C6: variants seen among roughly 807,000 people sequenced by gnomAD.
C6 encodes complement C6, also known as complement component C6.
In C6, 101 loss-of-function variants were observed where a neutral mutation model predicts 112.9. The ratio of observed to expected loss-of-function variants is 0.89; its 90% confidence interval spans 0.76 to 1.06. The LOEUF is 1.06. C6 is among the 50% of genes least tolerant of loss of function. The probability of loss-of-function intolerance (pLI) is 0.00; values close to 1 mark genes in which losing one functional copy is unlikely to be tolerated. For synonymous variants in C6, 431 were observed against 384.1 expected, an observed-to-expected ratio of 1.12 and a Z score of -1.43; for missense variants, 1,202 against 1,104.6, an observed-to-expected ratio of 1.09 and a Z score of -1.25.
intron 1 of C6, among the ~76,000 whole-genome samples, chr5:41,242,774 T>G (rs1203487185): frequency 6.6e-6 from 1 of 151,806 alleles, no homozygotes; most frequent in Non-Finnish European, 1.5e-5. Context: ...ATGAATGGAT[T>G]AAAAAAAGTA....
chr5:41,257,227 C>T (rs1022513590), intron 1 of C6, among the ~76,000 whole-genome samples: 6 of 152,086 alleles, frequency 3.9e-5, no homozygotes, highest in African/African-American at 1.4e-4. Context: ...TTTGTGTCCA[C>T]GTGTAAGCAA....
chr5:41,144,266 C>T (rs959012819), intron 17 of C6, among the ~76,000 whole-genome samples: 2 of 151,988 alleles, frequency 1.3e-5, no homozygotes, highest in Non-Finnish European at 2.9e-5. Flanking sequence ...ATCTTTTGAT[C>T]GTTTCTTTTC....
intron 3 of C6, among the ~76,000 whole-genome samples, chr5:41,200,748 A>G (rs1352511905): frequency 1.3e-5 from 2 of 152,142 alleles, no homozygotes; most frequent in African/African-American, 4.8e-5. Flanking sequence ...TCAATGGGGA[A>G]CAATAAACAA....
intron 17 of C6, among the ~76,000 whole-genome samples, chr5:41,143,918 T>G (rs1399726777): frequency 6.6e-6 from 1 of 152,246 alleles, no homozygotes; most frequent in Non-Finnish European, 1.5e-5. Context: ...CATTTAGAGA[T>G]AAAGTTACCA....
chr5:41,206,986 G>A (rs1293571780), intron 1 of C6, among the ~76,000 whole-genome samples: 2 of 152,152 alleles, frequency 1.3e-5, no homozygotes, highest in Non-Finnish European at 2.9e-5. Context: ...GAAAGGTCGG[G>A]TTACCCACAA....
intron 1 of C6, among the ~76,000 whole-genome samples, chr5:41,235,527 C>T (rs1173732684): frequency 2.1e-5 from 3 of 144,766 alleles, no homozygotes; most frequent in South Asian, 2.3e-4. Flanking sequence ...AATAATGCTG[C>T]AATAAACATA....
In C6 at chr5:41,195,860, A is replaced by G; in HGVS notation, c.519T>C (p.Cys173=). The change falls in exon 5 of 18, where the codon TGT becomes TGC. Residue 173 remains cysteine (C), a synonymous_variant. Coordinates refer to ENST00000337836, the MANE Select transcript of C6 (RefSeq NM_000065.5). ...DCGDNSDERD[C]GRTKAVCTRK... is the part of the protein sequence containing the mutation. Reference sequence around the variant, plus strand: ...GTGTGCATACTGCCTTTGTCCTCCCACAGTCCCTTTCATCTGAATTGTCTC... The same window carrying G: ...GTGTGCATACTGCCTTTGTCCTCCCGCAGTCCCTTTCATCTGAATTGTCTC... 2 of 1,613,980 alleles carry G rather than the reference A, an allele frequency of 1.2e-6. No individual in the cohort carries two copies. Among genetic ancestry groups the G allele is most frequent in the Non-Finnish European group, 1.7e-6 (2 of 1,179,910 alleles).
At chr5:41,173,638 G>T (rs2150305227) in intron 8 of C6, among the ~76,000 whole-genome samples, 2 of 152,254 alleles carry the variant, frequency 1.3e-5, no homozygotes, top group South Asian at 4.1e-4. Context: ...AGTATTTGGG[G>T]TTGCAGGTCA....
chr5:41,219,678 G>A (rs770574628), intron 1 of C6, among the ~76,000 whole-genome samples: 25 of 152,236 alleles, frequency 1.6e-4, no homozygotes, highest in Non-Finnish European at 3.2e-4. Context: ...AGCTAAGTTC[G>A]TAGTTACAAG....
At chr5:41,202,288 AG>A (rs1404065891) in intron 2 of C6, among the ~76,000 whole-genome samples, 2 of 150,608 alleles carry the variant, frequency 1.3e-5, no homozygotes, top group Non-Finnish European at 3.0e-5. Flanking sequence ...GTAGCTCTCC[AG>A]GGAGGAGCTT....
At chr5:41,228,275 T>A (rs760985728) in intron 1 of C6, among the ~76,000 whole-genome samples, 1 of 152,146 alleles carries the variant, frequency 6.6e-6, no homozygotes, top group Non-Finnish European at 1.5e-5. Flanking sequence ...GTCATTGGTG[T>A]ATGGAAATAC....
chr5:41,225,353 T>C (rs1273801300), intron 1 of C6, among the ~76,000 whole-genome samples: 1 of 152,100 alleles, frequency 6.6e-6, no homozygotes, highest in Non-Finnish European at 1.5e-5. Context: ...TTGCTGAGAA[T>C]GGTGGTTTCC....
In C6 at chr5:41,220,530, A is replaced by C. The variant is rs181310411; in HGVS notation, c.-20-17280T>G. 4.6e-3 allele frequency among the ~76,000 whole-genome samples: 695 copies of C among 152,184 alleles called. 1 individual carries two copies. The highest frequency in any genetic ancestry group is 7.4e-3 in the Non-Finnish European group (500 of 68,002). On this transcript the variant is annotated intron_variant, in intron 1 of 17. Coordinates refer to the C6 transcript ENST00000263413. ...TAATCAGAAAGAAGGCGTTTATATA[A>C]ATCAGATTTATTTTTTATTAATTAT...
At chr5:41,172,429 G>A (rs1748505856) in intron 8 of C6, 82 bp from the exon 9 acceptor site, 4 of 1,340,256 alleles carry the variant, frequency 3.0e-6, no homozygotes, top group Admixed American at 1.7e-5. Context: ...TGGTCACTTC[G>A]GATCTACAGA....
intron 1 of C6, among the ~76,000 whole-genome samples, chr5:41,260,703 A>G (rs1481560184): frequency 6.6e-6 from 1 of 151,192 alleles, no homozygotes; most frequent in African/African-American, 2.4e-5. Flanking sequence ...TGAACCTGGG[A>G]GGTGGAGGTT....
At chr5:41,239,416 A>G (rs1429332006) in intron 1 of C6, among the ~76,000 whole-genome samples, 1 of 151,944 alleles carries the variant, frequency 6.6e-6, no homozygotes, top group African/African-American at 2.4e-5. Context: ...CTGGCTGAGC[A>G]TTTATCATTT....
At chr5:41,194,399 C>G (rs1477953147) in intron 5 of C6, among the ~76,000 whole-genome samples, 2 of 152,076 alleles carry the variant, frequency 1.3e-5, no homozygotes, top group Non-Finnish European at 2.9e-5. Flanking sequence ...ACATTAGAAC[C>G]AGCTGAGTTA....
At chr5:41,193,795 AT>A (rs11460725) in intron 5 of C6, among the ~76,000 whole-genome samples, 19,538 of 137,240 alleles carry the variant, frequency 0.14, 1,367 homozygotes, top group Admixed American at 0.2. Context: ...TCAGGAAGCT[AT>A]TTTTTTTTTT....
At chr5:41,190,327 C>T (rs1487031255) in intron 5 of C6, among the ~76,000 whole-genome samples, 1 of 152,122 alleles carries the variant, frequency 6.6e-6, no homozygotes, top group Non-Finnish European at 1.5e-5. Flanking sequence ...GATGATACCT[C>T]ATTGTAGTTT....
Sources: gnomAD v4.1 joint callset for allele counts (sites outside exome capture counted in the v4.1 genomes callset) on GRCh38, gnomAD v4.1.1 for gene constraint, MANE v1.5 for transcripts, NCBI Gene and HGNC (gene_info 2026-07-23, HGNC 2026-07-21) for gene names.